The following ITPR1 variants were observed in gnomAD, a reference collection of about 807,000 sequenced individuals.
ITPR1 encodes the protein inositol 1,4,5-trisphosphate-gated calcium channel ITPR1.
A neutral mutation model predicts 318.4 loss-of-function variants in ITPR1; 96 were observed. The observed-to-expected ratio is 0.30, with a 90% CI of 0.26 to 0.36. ITPR1 has a LOEUF of 0.36. ITPR1 is among the 10% of genes least tolerant of loss of function. The pLI is 1.00. For synonymous variants in ITPR1, 1,312 were observed against 1,289.9 expected, an observed-to-expected ratio of 1.02 and a Z score of -0.37; for missense variants, 2,440 against 3,460.2, an observed-to-expected ratio of 0.71 and a Z score of 7.40.
chr3:4,630,834 G>T (rs1328500710), intron 5 of ITPR1, among the ~76,000 whole-genome samples: 1 of 151,984 alleles, frequency 6.6e-6, no homozygotes, highest in Non-Finnish European at 1.5e-5. Context: ...GTGATCCACT[G>T]CCTCGGCCTC....
chr3:4,750,730 C>CCTTT (rs576454423), intron 44 of ITPR1: 1 of 151,816 alleles, frequency 6.6e-6, no homozygotes, highest in Admixed American at 6.6e-5. Context: ...TTGCCCCCTT[C>CCTTT]CTTTCTTTCT....
At chr3:4,839,932 A>G (rs1376911597) in intron 61 of ITPR1, among the ~76,000 whole-genome samples, 4 of 151,798 alleles carry the variant, frequency 2.6e-5, no homozygotes, top group African/African-American at 9.7e-5. Context: ...AAAAAGAAGC[A>G]TGAGAATCCA....
At chr3:4,753,674 G>C (rs2044721863) in intron 44 of ITPR1, among the ~76,000 whole-genome samples, 1 of 152,170 alleles carries the variant, frequency 6.6e-6, no homozygotes, top group African/African-American at 2.4e-5. Flanking sequence ...TTTGCTTGAT[G>C]CTTTGCCACC....
At chr3:4,645,199 A>G (rs890354979) in intron 8 of ITPR1, among the ~76,000 whole-genome samples, 188 bp from the exon 9 acceptor site, 1 of 152,182 alleles carries the variant, frequency 6.6e-6, no homozygotes, top group African/African-American at 2.4e-5. Flanking sequence ...CAAATGAACC[A>G]TTTATTTCCA....
At chr3:4,715,115 C>A (rs564480441) in intron 39 of ITPR1, among the ~76,000 whole-genome samples, 55 of 152,194 alleles carry the variant, frequency 3.6e-4, no homozygotes, top group Non-Finnish European at 6.6e-4. Context: ...GCTCTGAGAG[C>A]TACAGAATTT....
intron 60 of ITPR1, 71 bp downstream of exon 60, chr3:4,818,313 C>T (rs2049439758): frequency 2.4e-6 from 3 of 1,250,390 alleles, no homozygotes; most frequent in South Asian, 1.8e-5. Context: ...GCCCCAGCAG[C>T]CCATCGGGGA....
Position 4,710,192 on chromosome 3 carries a change from T to C in ITPR1, c.4843-133T>C. Reference sequence around the variant, plus strand: ...TTGGGCAATGTCTAATAATTTGAGATGCCAGACGGTACTAAAGTTACTCTA... The same window carrying C: ...TTGGGCAATGTCTAATAATTTGAGACGCCAGACGGTACTAAAGTTACTCTA... On this transcript the variant is annotated intron_variant, in intron 37 of 61. Transcript: ENST00000649015. The surrounding 1 kb of genome is among the most constrained non-coding windows in gnomAD (Gnocchi z 4.2). 1.4e-6 allele frequency: 1 copy of C among 730,480 alleles called. No individual in the cohort carries two copies. Among genetic ancestry groups the C allele is most frequent in the Non-Finnish European group, 2.0e-6 (1 of 503,756 alleles). The allele number at this position is 730,480 out of a possible 1,614,324, so 45.2% of individuals were successfully genotyped here.
chr3:4,590,076 C>A (rs1470021254), intron 4 of ITPR1, among the ~76,000 whole-genome samples: 5 of 152,046 alleles, frequency 3.3e-5, no homozygotes, highest in Non-Finnish European at 5.9e-5. Context: ...CACGCCTCTG[C>A]ACAGATGCCA....
intron 4 of ITPR1, among the ~76,000 whole-genome samples, chr3:4,546,411 G>T (rs953196855): frequency 6.6e-6 from 1 of 152,190 alleles, no homozygotes; most frequent in African/African-American, 2.4e-5. Context: ...GACCTCTGAG[G>T]TTATGAAACT....
intron 44 of ITPR1, among the ~76,000 whole-genome samples, chr3:4,748,997 C>T (rs1402853408): frequency 6.6e-6 from 1 of 152,192 alleles, no homozygotes; most frequent in Admixed American, 6.6e-5. Flanking sequence ...TGGGGTTTGG[C>T]TGACAGATGG....
intron 10 of ITPR1, among the ~76,000 whole-genome samples, chr3:4,648,941 C>G (rs1017900459): frequency 1.3e-5 from 2 of 152,138 alleles, no homozygotes; most frequent in African/African-American, 4.8e-5. Flanking sequence ...AAAAGAAAAA[C>G]CTGCAAAAAA....
At chr3:4,517,233 G>T (rs2082235765) in intron 3 of ITPR1, among the ~76,000 whole-genome samples, 1 of 152,176 alleles carries the variant, frequency 6.6e-6, no homozygotes. Flanking sequence ...AAGAGGAAAT[G>T]AGAGGTGAAA....
At chr3:4,531,056 A>G (rs2083374778) in intron 4 of ITPR1, among the ~76,000 whole-genome samples, 2 of 152,128 alleles carry the variant, frequency 1.3e-5, no homozygotes, top group African/African-American at 4.8e-5. Flanking sequence ...GCACACTGTG[A>G]CATGGGTACT....
chr3:4,646,890 C>T (rs554851172), intron 10 of ITPR1, among the ~76,000 whole-genome samples: 42 of 152,094 alleles, frequency 2.8e-4, no homozygotes, highest in African/African-American at 1.0e-3. Context: ...TTTCCTCCTC[C>T]CTAGCTTCAA....
At chr3:4,548,712 G>A (rs2085267726) in intron 4 of ITPR1, among the ~76,000 whole-genome samples, 2 of 152,114 alleles carry the variant, frequency 1.3e-5, no homozygotes, top group Non-Finnish European at 2.9e-5. Context: ...CTAAATTTGA[G>A]GGCTAGTAAC....
chr3:4,683,249 G>A, intron 26 of ITPR1, 137 bp from the exon 27 acceptor site: 2 of 790,206 alleles, frequency 2.5e-6, no homozygotes, highest in East Asian at 2.4e-5. Flanking sequence ...TGTTAAAGGA[G>A]CTAATGAAAA....
chr3:4,567,970 G>A (rs182036656), intron 4 of ITPR1, among the ~76,000 whole-genome samples: 21 of 132,734 alleles, frequency 1.6e-4, no homozygotes, highest in African/African-American at 3.9e-4. Flanking sequence ...AGTAAGTCAC[G>A]TAATTAAGGT....
chr3:4,740,534 A>G (rs1297213113), intron 44 of ITPR1, among the ~76,000 whole-genome samples: 6 of 152,162 alleles, frequency 3.9e-5, no homozygotes, highest in Non-Finnish European at 1.5e-5. Flanking sequence ...CTCCCTTATT[A>G]TGAAACCCTG....
chr3:4,530,703 C>G (rs913773472), intron 4 of ITPR1, among the ~76,000 whole-genome samples: 1 of 152,090 alleles, frequency 6.6e-6, no homozygotes, highest in East Asian at 1.9e-4. Flanking sequence ...GTTGCTTGAG[C>G]CCAGTAGGTT....
Sources: allele counts gnomAD v4.1 joint callset (sites outside exome capture counted in the v4.1 genomes callset), GRCh38; gene constraint gnomAD v4.1.1; non-coding constraint Gnocchi (gnomAD v3.1); transcripts MANE v1.5; gene names NCBI Gene and HGNC (gene_info 2026-07-23, HGNC 2026-07-21).